The following RANBP17 variants were observed in gnomAD, a reference collection of about 807,000 sequenced individuals.
The protein encoded by RANBP17 is ran-binding protein 17.
A neutral mutation model predicts 141.2 loss-of-function variants in RANBP17; 158 were observed. That is an observed-to-expected ratio of 1.12 (90% confidence interval 0.98 to 1.28). The LOEUF is 1.28. Among genes scored for constraint, RANBP17 ranks in the 50% most tolerant of loss-of-function variants. The probability of loss-of-function intolerance (pLI) is 0.00; values close to 1 mark genes in which losing one functional copy is unlikely to be tolerated. For synonymous variants in RANBP17, 430 were observed against 450.0 expected (o/e 0.96, Z 0.56); for missense variants, 1,438 against 1,290.7 (o/e 1.11, Z -1.75).
intron 20 of RANBP17, chr5:171,205,835 T>C (rs935739368): frequency 1.6e-5 from 10 of 634,172 alleles, no homozygotes; most frequent in South Asian, 1.3e-4. Context: ...CCGTTAAATA[T>C]TGATAACTTA....
At chr5:171,016,944 C>T (rs887500767) in intron 14 of RANBP17, among the ~76,000 whole-genome samples, 7 of 146,314 alleles carry the variant, frequency 4.8e-5, no homozygotes, top group African/African-American at 1.3e-4. Context: ...TGTTGTTCCC[C>T]TCTATGTGTC....
chr5:171,266,335 G>A (rs1256909230), intron 25 of RANBP17, among the ~76,000 whole-genome samples: 1 of 152,134 alleles, frequency 6.6e-6, no homozygotes, highest in Non-Finnish European at 1.5e-5. Context: ...TCTTGGTTCA[G>A]ATAGGTTAGG....
intron 14 of RANBP17, among the ~76,000 whole-genome samples, chr5:171,055,368 T>G (rs1234732395): frequency 2.0e-5 from 3 of 152,198 alleles, no homozygotes; most frequent in Non-Finnish European, 4.4e-5. Flanking sequence ...GTGTACCATA[T>G]TTCTTGAAAC....
chr5:171,012,115 A>G (rs1456420255), intron 14 of RANBP17, among the ~76,000 whole-genome samples: 1 of 151,814 alleles, frequency 6.6e-6, no homozygotes, highest in Admixed American at 6.6e-5. Context: ...CATTTGTTTA[A>G]ACAAATAATA....
intron 14 of RANBP17, among the ~76,000 whole-genome samples, chr5:171,029,688 A>T (rs1230084916): frequency 6.6e-6 from 1 of 152,080 alleles, no homozygotes; most frequent in East Asian, 1.9e-4. Context: ...GCTATCTTAC[A>T]ACTTGGGAAG....
intron 14 of RANBP17, among the ~76,000 whole-genome samples, chr5:171,168,097 G>A (rs918908534): frequency 6.6e-6 from 1 of 152,118 alleles, no homozygotes; most frequent in African/African-American, 2.4e-5. Flanking sequence ...GGGACACAAA[G>A]AATAAGGCAT....
At chr5:171,197,771 G>T (rs1254142784) in intron 18 of RANBP17, among the ~76,000 whole-genome samples, 1 of 152,236 alleles carries the variant, frequency 6.6e-6, no homozygotes. Flanking sequence ...GGGCGCTGTG[G>T]CTCACATCTG....
At chr5:171,295,580 A>T (rs565909935) in intron 26 of RANBP17, among the ~76,000 whole-genome samples, 1 of 152,176 alleles carries the variant, frequency 6.6e-6, no homozygotes, top group African/African-American at 2.4e-5. Flanking sequence ...GTTAGTAGAG[A>T]TGAGAGTCAG....
At chr5:171,238,929 T>C (rs1339144706) in intron 22 of RANBP17, among the ~76,000 whole-genome samples, 2 of 152,218 alleles carry the variant, frequency 1.3e-5, no homozygotes, top group African/African-American at 4.8e-5. Context: ...ACCTCTCTGA[T>C]GGCATTTGTC....
intron 14 of RANBP17, among the ~76,000 whole-genome samples, chr5:171,038,869 T>G (rs1385836097): frequency 6.6e-6 from 1 of 152,182 alleles, no homozygotes; most frequent in Non-Finnish European, 1.5e-5. Context: ...TGCTTGTATA[T>G]TGTCGAGGAT....
At chr5:170,972,907 A>G (rs1287144735) in intron 14 of RANBP17, among the ~76,000 whole-genome samples, 3 of 152,074 alleles carry the variant, frequency 2.0e-5, no homozygotes, top group African/African-American at 2.4e-5. Flanking sequence ...TTCCTGTGCA[A>G]TTTTTCTGCT....
intron 25 of RANBP17, among the ~76,000 whole-genome samples, chr5:171,280,401 G>C (rs34777614): frequency 0.12 from 18,913 of 152,064 alleles, 1,481 homozygotes; most frequent in East Asian, 0.21. Flanking sequence ...CCTCAGCCTC[G>C]CAAGTAGCTG....
chr5:171,155,588 A>G (rs1265062963), intron 14 of RANBP17, among the ~76,000 whole-genome samples: 3 of 152,150 alleles, frequency 2.0e-5, no homozygotes, highest in Admixed American at 2.0e-4. Flanking sequence ...ATTTCCGTGA[A>G]CCCTTCAAAA....
intron 14 of RANBP17, among the ~76,000 whole-genome samples, chr5:170,985,547 T>A (rs1302759782): frequency 6.6e-6 from 1 of 152,218 alleles, no homozygotes; most frequent in African/African-American, 2.4e-5. Context: ...CTTGTTTTGA[T>A]ATCCTATTCA....
At chr5:171,099,269 T>TTG (rs1466922042) in intron 14 of RANBP17, among the ~76,000 whole-genome samples, 20 of 152,338 alleles carry the variant, frequency 1.3e-4, no homozygotes, top group East Asian at 3.9e-4. Context: ...TTCCATTTTT[T>TTG]TGTGTTGTCT....
chr5:171,234,464 C>T (rs1057103822), intron 22 of RANBP17, among the ~76,000 whole-genome samples: 2 of 152,174 alleles, frequency 1.3e-5, no homozygotes, highest in African/African-American at 2.4e-5. Context: ...AAAAATTACT[C>T]ACGCTGCTAT....
At chr5:171,257,692 A>C (rs894993257) in intron 24 of RANBP17, among the ~76,000 whole-genome samples, 1 of 152,240 alleles carries the variant, frequency 6.6e-6, no homozygotes, top group African/African-American at 2.4e-5. Flanking sequence ...TTTGATAAAT[A>C]AATGCACTAA....
intron 20 of RANBP17, chr5:171,207,129 C>T (rs1239916387): frequency 6.1e-6 from 1 of 162,782 alleles, no homozygotes; most frequent in Non-Finnish European, 1.3e-5. Context: ...TCCACTGCAC[C>T]CAGCTTGACT....
At chr5:171,268,674 T>C (rs1054674788) in intron 25 of RANBP17, among the ~76,000 whole-genome samples, 1 of 151,254 alleles carries the variant, frequency 6.6e-6, no homozygotes, top group African/African-American at 2.4e-5. Flanking sequence ...AAAAAAAAAA[T>C]TCATGGATTG....
Sources: gnomAD v4.1 joint callset for allele counts (sites outside exome capture counted in the v4.1 genomes callset) on GRCh38, gnomAD v4.1.1 for gene constraint, MANE v1.5 for transcripts, NCBI Gene and HGNC (gene_info 2026-07-23, HGNC 2026-07-21) for gene names.